The following CLCN7 variants were observed in gnomAD, a reference collection of about 807,000 sequenced individuals.
CLCN7 encodes Cl-/H+ antiporter 7, also known as H(+)/Cl(-) exchange transporter 7.
CLCN7 carries 60 observed loss-of-function variants against 102.1 expected under a neutral mutation model. The ratio of observed to expected loss-of-function variants is 0.59; its 90% CI spans 0.48 to 0.73. The LOEUF (loss-of-function observed/expected upper bound fraction) is 0.73, where lower values mean the gene tolerates loss of function less well. Among genes scored for constraint, CLCN7 ranks in the 30% least tolerant of loss-of-function variants. CLCN7 has a pLI of 0.00. For missense variants in CLCN7, 962 were observed against 1,125.7 expected (o/e 0.85, Z 2.08); for synonymous variants, 560 against 490.5 (o/e 1.14, Z -1.87).
Position 1,445,867 on chromosome 16 carries a change from G to GCCTCACGTC in CLCN7, c.*763_*764insGACGTGAGG. Reference sequence around the variant, plus strand: ...GGCTCAGGGACCAAGGCAGGGCTGGGTGTGGGGCCCAGACTCCAAGCTCTG... The same window carrying GCCTCACGTC: ...GGCTCAGGGACCAAGGCAGGGCTGGGCCTCACGTCTGTGGGGCCCAGACTCCAAGCTCTG... On this transcript the variant is annotated 3_prime_UTR_variant, in exon 25 of 25. Coordinates refer to ENST00000382745, the MANE Select transcript of CLCN7 (RefSeq NM_001287.6). 5.0e-6 allele frequency: 1 copy of GCCTCACGTC among 198,806 alleles called. No homozygotes were observed. Among genetic ancestry groups the GCCTCACGTC allele is most frequent in the Admixed American group, 5.3e-5 (1 of 18,984 alleles). The allele number at this position is 198,806 out of a possible 1,614,324, so 12.3% of individuals were successfully genotyped here. A position where few individuals can be genotyped will look rare whatever the true frequency, so the allele number is the denominator to read the frequency against.
Position 1,455,730 on chromosome 16 carries a change from C to A in CLCN7, c.981+1G>T, listed in dbSNP as rs111940275. On this transcript the variant is annotated splice_donor_variant, in intron 11 of 24. Transcript: ENST00000382745. LOFTEE classifies it high-confidence loss of function. ...GGAGGCAGCCATCAGCAGGAACTTA[C>A]GATCCTCCAGGTCAGGAACTGGTTC... 6.2e-7 allele frequency: 1 copy of A among 1,613,530 alleles called. No homozygotes were observed. The highest frequency in any genetic ancestry group is 8.5e-7 in the Non-Finnish European group (1 of 1,179,706).
rs563519599 is a variant in CLCN7 at position 1,473,522 on chromosome 16, C to A, written c.141+1312G>T. 3.3e-5 allele frequency among the ~76,000 whole-genome samples: 5 copies of A among 150,960 alleles called. No homozygotes were observed. The East Asian group carries it at 8.0e-4, about 24-fold the overall frequency. On this transcript the variant is annotated intron_variant, in intron 1 of 24. Transcript: ENST00000382745. Reference sequence around the variant, plus strand: ...CCGAGTAGCTGGGACTACAGGCGCCCGCCACCACGCCTGGCTAATTTTTTG... The same window carrying A: ...CCGAGTAGCTGGGACTACAGGCGCCAGCCACCACGCCTGGCTAATTTTTTG...
intron 7 of CLCN7, among the ~76,000 whole-genome samples, chr16:1,458,816 C>T (rs1273033366): frequency 1.3e-5 from 2 of 152,232 alleles, no homozygotes; most frequent in Non-Finnish European, 2.9e-5. Context: ...GTCACCACCA[C>T]GCAGCCCACA....
In CLCN7 at chr16:1,444,952, T is replaced by G. The variant is rs1420308731; in HGVS notation, c.*1679A>C. On this transcript the variant is annotated 3_prime_UTR_variant, in exon 25 of 25. Coordinates refer to ENST00000382745, the MANE Select transcript of CLCN7 (RefSeq NM_001287.6). ...CAGCGATGTGAATCCTAACCGCTGA[T>G]TTTATTTAACCGAATATATCCAAAA... 1 of 152,824 alleles carries G rather than the reference T, an allele frequency of 6.5e-6. No homozygotes were observed. Among genetic ancestry groups the G allele is most frequent in the Non-Finnish European group, 1.5e-5 (1 of 68,446 alleles). 9.5% of individuals were successfully genotyped at this position (152,824 alleles called of 1,614,324 possible). A position where few individuals can be genotyped will look rare whatever the true frequency, so the allele number is the denominator to read the frequency against.
chr16:1,472,888 GAGCC>G, intron 1 of CLCN7, among the ~76,000 whole-genome samples: 1 of 147,640 alleles, frequency 6.8e-6, no homozygotes, highest in East Asian at 2.0e-4. Flanking sequence ...TCAGCCTCCC[GAGCC>G]AGTAGCTGGG....
rs74002255 is a variant in CLCN7, at chr16:1,451,957, C to T, written c.1354-241G>A. ...ACACGGCCTAGGCCCAGCAGGGGGCCGTGTCTAGCCCTGGGGGGTGGGTTA... is the reference window on the plus strand; with the variant it reads ...ACACGGCCTAGGCCCAGCAGGGGGCTGTGTCTAGCCCTGGGGGGTGGGTTA... On this transcript the variant is annotated intron_variant, in intron 15 of 24. Coordinates refer to ENST00000382745, the MANE Select transcript of CLCN7 (RefSeq NM_001287.6). The T allele has an allele frequency of 0.03, 15,598 of 515,776 alleles. 640 individuals carry two copies. Among genetic ancestry groups the T allele is most frequent in the African/African-American group, 0.13 (6,809 of 52,310 alleles). 31.9% of individuals were successfully genotyped at this position (515,776 alleles called of 1,614,324 possible).
chr16:1,464,363 C>T (rs1427490069), intron 2 of CLCN7, among the ~76,000 whole-genome samples: 3 of 152,226 alleles, frequency 2.0e-5, no homozygotes, highest in African/African-American at 7.2e-5. Flanking sequence ...TCCTGCCCCT[C>T]CCAAAGCTGA....
intron 15 of CLCN7, 24 bp from the exon 16 acceptor site, chr16:1,451,740 CGTTGGGA>C: frequency 1.3e-6 from 2 of 1,596,564 alleles, no homozygotes; most frequent in South Asian, 2.2e-5. Context: ...AGAGAGCACA[CGTTGGGA>C]GGGGAGATGA....
intron 23 of CLCN7, 141 bp downstream of exon 23, chr16:1,447,251 C>T (rs2038663195): frequency 1.0e-5 from 12 of 1,170,902 alleles, no homozygotes; most frequent in African/African-American, 1.5e-5. Context: ...GCTCTAAAGC[C>T]TGCCAGGCCC....
chr16:1,462,361 C>T (rs923836466), intron 2 of CLCN7, among the ~76,000 whole-genome samples: 4 of 125,046 alleles, frequency 3.2e-5, no homozygotes, highest in Admixed American at 8.9e-5. Context: ...AAACCCTCAT[C>T]TGTCTTTTTT....
chr16:1,448,925 C>T (rs1378472508), intron 19 of CLCN7, 41 bp downstream of exon 19: 2 of 1,610,068 alleles, frequency 1.2e-6, no homozygotes, highest in South Asian at 1.1e-5. Flanking sequence ...CCTATGGCAG[C>T]ACCCACGCTC....
chr16:1,461,244 CCCACTGTCTCTAGAAA>C (rs1372588095), intron 4 of CLCN7, among the ~76,000 whole-genome samples, 145 bp downstream of exon 4: 1 of 152,248 alleles, frequency 6.6e-6, no homozygotes, highest in African/African-American at 2.4e-5. Context: ...CCGTGACCCT[CCCACTGTCTCTAGAAA>C]CCAGACGAAC....
intron 1 of CLCN7, among the ~76,000 whole-genome samples, chr16:1,466,171 C>T (rs1181929402): frequency 1.3e-5 from 2 of 152,256 alleles, no homozygotes; most frequent in East Asian, 1.9e-4. Flanking sequence ...TCAGAGAGCC[C>T]GTGCGCCTGT....
Position 1,448,675 on chromosome 16 carries a change from C to G in CLCN7, c.1883+6G>C. The G allele has an allele frequency of 6.2e-7, 1 of 1,612,626 alleles. No homozygotes were observed. The highest frequency in any genetic ancestry group is 8.5e-7 in the Non-Finnish European group (1 of 1,179,956). On this transcript the variant is annotated splice_donor_region_variant and intron_variant, in intron 20 of 24. Transcript: ENST00000382745. ...TCCCCACCCACAGGTGTCCTGGGCG[C>G]TGTACCTGGCAGTGAGTGAGTGTGA...
intron 1 of CLCN7, chr16:1,474,035 G>A (rs1007475707): frequency 2.4e-6 from 1 of 420,150 alleles, no homozygotes; most frequent in Admixed American, 2.8e-5. Context: ...AGTGAGCCGA[G>A]ATCGCGCCAT....
intron 15 of CLCN7, 174 bp from the exon 16 acceptor site, chr16:1,451,890 A>C: frequency 1.6e-6 from 1 of 637,214 alleles, no homozygotes; most frequent in South Asian, 1.7e-5. Flanking sequence ...CAAGGAGGAC[A>C]CACAAGGCCC....
Position 1,463,468 on chromosome 16 carries a change from AAAG to A in CLCN7, c.213+1796_214-1795del, listed in dbSNP as rs2038966195. On this transcript the variant is annotated intron_variant, in intron 2 of 24. Transcript: ENST00000382745. ...GGGCCACACAGTGAGACCTCATCTC[AAAG>A]AATAGTAATAATTAATTTTTTTAGA... 4.6e-5 allele frequency among the ~76,000 whole-genome samples: 7 copies of A among 152,218 alleles called. No homozygotes were observed. The South Asian group carries it at 1.5e-3, about 32-fold the overall frequency.
intron 17 of CLCN7, chr16:1,450,129 T>G (rs540931581): frequency 5.1e-5 from 17 of 335,642 alleles, no homozygotes; most frequent in South Asian, 4.6e-4. Flanking sequence ...TATGCCGCTC[T>G]GGCCCCCGGC....
At position 1,446,606 on chromosome 16, in the gene CLCN7, T is replaced by G. The variant is rs771855210; in HGVS notation, c.*25A>C. The G allele has an allele frequency of 3.2e-5, 50 of 1,541,990 alleles. No homozygotes were observed. Among genetic ancestry groups the G allele is most frequent in the Non-Finnish European group, 8.8e-7 (1 of 1,138,006 alleles). ...AGAAGGGCCGGGGTGCCAGCGCCAGTGCCCATTATGGGCAGGGCTGGGCCT... is the reference window on the plus strand; with the variant it reads ...AGAAGGGCCGGGGTGCCAGCGCCAGGGCCCATTATGGGCAGGGCTGGGCCT... On this transcript the variant is annotated 3_prime_UTR_variant, in exon 25 of 25. Transcript: ENST00000382745.
Sources: allele counts gnomAD v4.1 joint callset (sites outside exome capture counted in the v4.1 genomes callset), GRCh38; gene constraint gnomAD v4.1.1; transcripts MANE v1.5; gene names NCBI Gene and HGNC (gene_info 2026-07-23, HGNC 2026-07-21).